Variants in DSTYK observed in about 807,000 individuals in gnomAD.
DSTYK encodes RIP-homologous kinase.
Under a neutral mutation model 98.7 loss-of-function variants are expected in DSTYK, and 34 were observed. The observed-to-expected ratio is 0.34, with a 90% CI of 0.26 to 0.46. The LOEUF is 0.46. Among genes scored for constraint, DSTYK ranks in the 20% least tolerant of loss-of-function variants. The pLI is 1.00. For missense variants in DSTYK, 962 were observed against 1,181.7 expected, an observed-to-expected ratio of 0.81 and a Z score of 2.73; for synonymous variants, 462 against 457.3, an observed-to-expected ratio of 1.01 and a Z score of -0.13.
At chr1:205,163,265 G>A (rs1657788158) in intron 4 of DSTYK, among the ~76,000 whole-genome samples, 1 of 151,392 alleles carries the variant, frequency 6.6e-6, no homozygotes, top group Admixed American at 6.6e-5. Context: ...TGTCCCCCAG[G>A]CTGAAGTGCA....
In DSTYK at chr1:205,147,239, TAC is replaced by T. The variant is rs1431425609; in HGVS notation, c.*317_*318del. Reference sequence around the variant, plus strand: ...TCCCGCTTGCTGTCTTAGAAGTATATACAGTGAAAAGACAATGGTAACATCTG... The same window carrying T: ...TCCCGCTTGCTGTCTTAGAAGTATATAGTGAAAAGACAATGGTAACATCTG... On this transcript the variant is annotated 3_prime_UTR_variant, in exon 13 of 13. Transcript: ENST00000367162. 5 of 225,438 alleles carry T rather than the reference TAC, an allele frequency of 2.2e-5. No homozygotes were observed. Among genetic ancestry groups the T allele is most frequent in the Non-Finnish European group, 4.4e-5 (5 of 112,650 alleles). 14.0% of individuals were successfully genotyped at this position (225,438 alleles called of 1,614,324 possible). A position where few individuals can be genotyped will look rare whatever the true frequency, so the allele number is the denominator to read the frequency against.
At chr1:205,170,789 G>A (rs1658035998) in intron 2 of DSTYK, among the ~76,000 whole-genome samples, 1 of 152,136 alleles carries the variant, frequency 6.6e-6, no homozygotes, top group African/African-American at 2.4e-5. Context: ...AGCCCTTTAG[G>A]GTACAGGGGG....
chr1:205,208,590 AGGAC>A (rs1659274186), intron 1 of DSTYK, among the ~76,000 whole-genome samples: 6 of 152,192 alleles, frequency 3.9e-5, no homozygotes, highest in African/African-American at 1.4e-4. Context: ...AAGAAAGTTG[AGGAC>A]TGGGTGTGGT....
At position 205,187,398 on chromosome 1, in the gene DSTYK, T is replaced by C. The variant is rs1225156474; in HGVS notation, c.654+20A>G. 4.4e-6 allele frequency: 7 copies of C among 1,588,200 alleles called. No homozygotes were observed. Among genetic ancestry groups the C allele is most frequent in the South Asian group, 1.1e-5 (1 of 87,274 alleles). On this transcript the variant is annotated intron_variant, in intron 2 of 12. Coordinates refer to ENST00000367162, the MANE Select transcript of DSTYK (RefSeq NM_015375.3). ...CTGGTATATATGTATACAATTGGTA[T>C]AGAAGTATGAGATTGGTACCTGTAA...
At chr1:205,175,159 T>C (rs1658191965) in intron 2 of DSTYK, among the ~76,000 whole-genome samples, 1 of 151,064 alleles carries the variant, frequency 6.6e-6, no homozygotes, top group Non-Finnish European at 1.5e-5. Context: ...TGGAGTGCAG[T>C]GGCGCAATCT....
intron 6 of DSTYK, 115 bp downstream of exon 6, chr1:205,161,921 T>C (rs888883345): frequency 8.6e-6 from 7 of 809,640 alleles, no homozygotes; most frequent in Admixed American, 8.6e-5. Flanking sequence ...TATATATGTA[T>C]ACACACACAG....
At chr1:205,204,330 G>C (rs1170744918) in intron 1 of DSTYK, among the ~76,000 whole-genome samples, 2 of 152,078 alleles carry the variant, frequency 1.3e-5, no homozygotes, top group African/African-American at 4.8e-5. Context: ...ATTGGACTGG[G>C]AGCCTAGAGA....
rs1657380415 is a variant in DSTYK, at chr1:205,150,852, G to A, written c.2353-58C>T. On this transcript the variant is annotated intron_variant, in intron 10 of 12. Transcript: ENST00000367162. The surrounding 1 kb of genome is among the most constrained non-coding windows in gnomAD (Gnocchi z 4.1). ...TTCTGATCCTGCACACAGCACTGCT[G>A]CGTACCTAAGCTCAAAGGTAGGTAC... 5.9e-6 allele frequency: 8 copies of A among 1,351,794 alleles called. No homozygotes were observed. Among genetic ancestry groups the A allele is most frequent in the Non-Finnish European group, 8.5e-6 (8 of 943,440 alleles). The allele number at this position is 1,351,794 out of a possible 1,614,324, so 83.7% of individuals were successfully genotyped here. A position where few individuals can be genotyped will look rare whatever the true frequency, so the allele number is the denominator to read the frequency against.
intron 1 of DSTYK, among the ~76,000 whole-genome samples, chr1:205,203,028 A>G (rs1347168546): frequency 2.6e-5 from 4 of 152,194 alleles, no homozygotes; most frequent in Non-Finnish European, 5.9e-5. Context: ...ACAGAGCAAA[A>G]CAAAATATAA....
intron 2 of DSTYK, chr1:205,172,975 A>C (rs566121061): frequency 6.6e-6 from 1 of 152,350 alleles, no homozygotes; most frequent in African/African-American, 2.4e-5. Context: ...GAATCATTTC[A>C]GTCAGGCATA....
rs1441476888 is a variant in DSTYK at position 205,190,631 on chromosome 1, A to AC, written c.266-2826_266-2825insG. On this transcript the variant is annotated intron_variant, in intron 1 of 12. Coordinates refer to ENST00000367162, the MANE Select transcript of DSTYK (RefSeq NM_015375.3). ...ACTCCATCTCAAAAAAAAAAAAAAA[A>AC]AAAAAACCCAAGAGTAGGACCCTTC... Among the ~76,000 whole-genome samples the AC allele has an allele frequency of 6.6e-5, 10 of 150,848 alleles. No individual in the cohort carries two copies. The East Asian group carries it at 7.8e-4, about 12-fold the overall frequency.
chr1:205,181,780 C>G (rs941890120), intron 2 of DSTYK, among the ~76,000 whole-genome samples: 5 of 151,524 alleles, frequency 3.3e-5, no homozygotes, highest in African/African-American at 1.2e-4. Context: ...CTCCTGGGCT[C>G]AAGTGATCCT....
At chr1:205,153,822 G>A (rs893037756) in intron 10 of DSTYK, among the ~76,000 whole-genome samples, 2 of 151,108 alleles carry the variant, frequency 1.3e-5, no homozygotes, top group Admixed American at 6.6e-5. Context: ...TCCTGCCTCA[G>A]CCTCCTAAGT....
chr1:205,210,172 GGATTACAGAC>G (rs1413748300), intron 1 of DSTYK, among the ~76,000 whole-genome samples: 1 of 151,988 alleles, frequency 6.6e-6, no homozygotes, highest in Non-Finnish European at 1.5e-5. Context: ...CAAAGTGCTG[GGATTACAGAC>G]GTGAGCCACC....
At chr1:205,200,661 A>G (rs1659004350) in intron 1 of DSTYK, among the ~76,000 whole-genome samples, 1 of 152,240 alleles carries the variant, frequency 6.6e-6, no homozygotes. Context: ...AATCTCAGTT[A>G]GTTGGACAGA....
At chr1:205,159,415 T>G in intron 9 of DSTYK, 132 bp downstream of exon 9, 1 of 1,185,154 alleles carries the variant, frequency 8.4e-7, no homozygotes, top group Non-Finnish European at 1.2e-6. Context: ...TTTTTGGAAA[T>G]AAGTGAAATA....
intron 8 of DSTYK, 89 bp downstream of exon 8, chr1:205,160,025 A>G (rs746001767): frequency 5.5e-6 from 8 of 1,466,908 alleles, no homozygotes. Flanking sequence ...TAGAGAGGCC[A>G]TGCTGTAGCT....
At chr1:205,160,937 G>A (rs1657702813) in intron 7 of DSTYK, among the ~76,000 whole-genome samples, 1 of 151,846 alleles carries the variant, frequency 6.6e-6, no homozygotes, top group Non-Finnish European at 1.5e-5. Context: ...GTGCCACCAC[G>A]CCCAGCTAAT....
chr1:205,192,968 C>T (rs1234910120), intron 1 of DSTYK, among the ~76,000 whole-genome samples: 4 of 152,178 alleles, frequency 2.6e-5, no homozygotes, highest in Admixed American at 2.6e-4. Flanking sequence ...CATTGTTTTC[C>T]AGTCTGGGGT....
Sources: gnomAD v4.1 joint callset for allele counts (sites outside exome capture counted in the v4.1 genomes callset) on GRCh38, gnomAD v4.1.1 for gene constraint, Gnocchi (gnomAD v3.1) non-coding constraint, MANE v1.5 for transcripts, NCBI Gene and HGNC (gene_info 2026-07-23, HGNC 2026-07-21) for gene names.